AFM: variants seen among roughly 807,000 people sequenced by gnomAD.
AFM encodes alpha-Alb.
Under a neutral mutation model 68.7 loss-of-function variants are expected in AFM, and 82 were observed. The ratio of observed to expected loss-of-function variants is 1.19; its 90% CI spans 1.00 to 1.43. The LOEUF (loss-of-function observed/expected upper bound fraction) is 1.43, where lower values mean the gene tolerates loss of function less well. AFM is among the 40% of genes most tolerant of loss of function. The pLI is 0.00. For synonymous variants in AFM, 250 were observed against 234.2 expected, an observed-to-expected ratio of 1.07 and a Z score of -0.61; for missense variants, 772 against 701.8, an observed-to-expected ratio of 1.10 and a Z score of -1.13.
chr4:73,488,837 T>C (rs1720988986), intron 7 of AFM, 78 bp downstream of exon 7: 3 of 1,394,696 alleles, frequency 2.2e-6, no homozygotes, highest in African/African-American at 2.9e-5. Flanking sequence ...TGCCCTGATA[T>C]GTGGTTACTT....
chr4:73,493,550 A>G (rs1056027621), intron 8 of AFM, among the ~76,000 whole-genome samples: 4 of 152,222 alleles, frequency 2.6e-5, no homozygotes, highest in African/African-American at 7.2e-5. Context: ...AATACTTACT[A>G]AATTTTAAGT....
At chr4:73,493,891 C>T (rs1282577247) in intron 8 of AFM, among the ~76,000 whole-genome samples, 1 of 152,086 alleles carries the variant, frequency 6.6e-6, no homozygotes, top group African/African-American at 2.4e-5. Flanking sequence ...GTGTTTGAAA[C>T]ATGGGGAGAA....
chr4:73,496,243 G>A (rs767733284), intron 9 of AFM, among the ~76,000 whole-genome samples: 11 of 152,068 alleles, frequency 7.2e-5, no homozygotes, highest in East Asian at 3.8e-4. Context: ...AACTTTTTAC[G>A]TCATTAAACA....
At chr4:73,487,569 A>C (rs1190854527) in intron 5 of AFM, among the ~76,000 whole-genome samples, 155 bp from the exon 6 acceptor site, 1 of 152,156 alleles carries the variant, frequency 6.6e-6, no homozygotes, top group African/African-American at 2.4e-5. Flanking sequence ...GTAAGTGCAT[A>C]TTTCTTTTAA....
chr4:73,500,366 A>G lies in AFM; in HGVS notation c.1646+139A>G, dbSNP rs148500696. 9.8e-4 allele frequency: 740 copies of G among 751,758 alleles called. 11 individuals carry two copies. The East Asian group carries it at 0.02, about 20-fold the overall frequency. The allele number at this position is 751,758 out of a possible 1,614,324, so 46.6% of individuals were successfully genotyped here. ...CACCAAATTGTCCAGTCTCTTCTAT[A>G]TGGAAAAATACAAGTGCATATTTTT... On this transcript the variant is annotated intron_variant, in intron 12 of 14. Coordinates refer to ENST00000226355, the MANE Select transcript of AFM (RefSeq NM_001133.2).
At chr4:73,499,021 C>T (rs940382099) in intron 10 of AFM, 93 bp from the exon 11 acceptor site, 40 of 1,352,756 alleles carry the variant, frequency 3.0e-5, no homozygotes, top group African/African-American at 8.8e-5. Context: ...TATTGGTTGT[C>T]GCTAGCCTTG....
At chr4:73,503,207 C>A in intron 14 of AFM, 97 bp downstream of exon 14, 2 of 945,792 alleles carry the variant, frequency 2.1e-6, no homozygotes, top group South Asian at 1.5e-5. Flanking sequence ...ATTTCTGGTT[C>A]ATCCTACATG....
intron 9 of AFM, among the ~76,000 whole-genome samples, chr4:73,495,808 A>G (rs151246164): frequency 1.3e-5 from 2 of 152,310 alleles, no homozygotes; most frequent in African/African-American, 4.8e-5. Context: ...TGGATTCTTT[A>G]TGGTTTCAAA....
chr4:73,484,134 A>T, intron 2 of AFM, 124 bp from the exon 3 acceptor site: 1 of 1,422,758 alleles, frequency 7.0e-7, no homozygotes, highest in Non-Finnish European at 9.4e-7. Flanking sequence ...AAGAAGTTGT[A>T]AAATTTATAG....
At chr4:73,487,701 A>C (rs1444481844) in intron 5 of AFM, 23 bp from the exon 6 acceptor site, 6 of 1,495,002 alleles carry the variant, frequency 4.0e-6, no homozygotes, top group Middle Eastern at 1.7e-4. Context: ...TTGTTTCAAA[A>C]GAATTTTCTC....
intron 14 of AFM, 111 bp downstream of exon 14, chr4:73,503,221 AAGAAATGCACATGTAGCTAAC>A (rs1560415391): frequency 1.2e-6 from 1 of 827,228 alleles, no homozygotes; most frequent in Non-Finnish European, 2.0e-6. Flanking sequence ...CTACATGAAC[AAGAAATGCACATGTAGCTAAC>A]AGACCCCGAT....
intron 10 of AFM, 47 bp downstream of exon 10, chr4:73,497,796 T>A (rs776112887): frequency 8.3e-7 from 1 of 1,204,106 alleles, no homozygotes; most frequent in Non-Finnish European, 1.2e-6. Context: ...TAGAATTGAA[T>A]ACATAATCCC....
intron 9 of AFM, 115 bp downstream of exon 9, chr4:73,495,547 T>C: frequency 7.9e-7 from 1 of 1,262,864 alleles, no homozygotes. Flanking sequence ...TTGGCTAATC[T>C]GAGTCCACTG....
At chr4:73,497,777 A>C in intron 10 of AFM, 28 bp downstream of exon 10, 1 of 1,402,656 alleles carries the variant, frequency 7.1e-7, no homozygotes, top group Non-Finnish European at 9.9e-7. Context: ...GTGGGCTAAC[A>C]CTTGCCACTA....
chr4:73,498,987 G>C, intron 10 of AFM, 127 bp from the exon 11 acceptor site: 2 of 847,664 alleles, frequency 2.4e-6, no homozygotes, highest in Non-Finnish European at 3.5e-6. Flanking sequence ...CTTTATGAGA[G>C]AGCTAAGGTT....
At chr4:73,487,127 G>A (rs766416701) in intron 5 of AFM, 28 bp downstream of exon 5, 7 of 1,612,162 alleles carry the variant, frequency 4.3e-6, no homozygotes, top group South Asian at 3.3e-5. Flanking sequence ...TCCATGAAGA[G>A]GATAAGAAAT....
chr4:73,499,863 G>A (rs1577981472), intron 11 of AFM, 141 bp from the exon 12 acceptor site: 1 of 685,794 alleles, frequency 1.5e-6, no homozygotes, highest in Non-Finnish European at 2.4e-6. Context: ...CTTGTATATA[G>A]GGATATGTCA....
intron 4 of AFM, 115 bp from the exon 5 acceptor site, chr4:73,486,852 T>C: frequency 9.6e-7 from 1 of 1,043,722 alleles, no homozygotes; most frequent in Non-Finnish European, 1.4e-6. Context: ...TTCTATTTTT[T>C]CTTTTCCTTC....
intron 4 of AFM, among the ~76,000 whole-genome samples, chr4:73,486,653 T>G (rs953203464): frequency 6.6e-6 from 1 of 152,186 alleles, no homozygotes; most frequent in African/African-American, 2.4e-5. Flanking sequence ...GGAAGGACAA[T>G]AGCCACAGTT....
Sources: gnomAD v4.1 joint callset for allele counts (sites outside exome capture counted in the v4.1 genomes callset) on GRCh38, gnomAD v4.1.1 for gene constraint, MANE v1.5 for transcripts, NCBI Gene and HGNC (gene_info 2026-07-23, HGNC 2026-07-21) for gene names.